AKAP19: variants seen among roughly 807,000 people sequenced by gnomAD.
The protein encoded by AKAP19 is A-kinase anchoring protein 19.
chr2:190,183,174 G>C, the AKAP19 span, among the ~76,000 whole-genome samples: 3 of 152,202 alleles, frequency 2.0e-5, no homozygotes, highest in African/African-American at 7.2e-5. Flanking sequence ...TTGTGACCTT[G>C]AGAAACTTCA....
At chr2:190,039,453 A>C in the AKAP19 span, among the ~76,000 whole-genome samples, 50 of 152,274 alleles carry the variant, frequency 3.3e-4, no homozygotes, top group Admixed American at 6.5e-4. Flanking sequence ...GAAAACTGTA[A>C]ATTTCTGAAG....
the AKAP19 span, among the ~76,000 whole-genome samples, chr2:189,897,441 T>A: frequency 6.6e-6 from 1 of 152,294 alleles, no homozygotes; most frequent in Non-Finnish European, 1.5e-5. Flanking sequence ...TTTAACTACA[T>A]AGTTAAAATA....
the AKAP19 span, among the ~76,000 whole-genome samples, chr2:190,127,685 T>G: frequency 6.6e-6 from 1 of 152,184 alleles, no homozygotes; most frequent in Non-Finnish European, 1.5e-5. Context: ...TTTACTACCA[T>G]TGAAGTTATT....
At chr2:190,038,895 TC>T in the AKAP19 span, among the ~76,000 whole-genome samples, 1 of 37,262 alleles carries the variant, frequency 2.7e-5, no homozygotes, top group Non-Finnish European at 5.7e-5. Context: ...TTTCTTTCTT[TC>T]TTTCTTTCTT....
chr2:190,003,681 C>T, the AKAP19 span, among the ~76,000 whole-genome samples: 5 of 151,998 alleles, frequency 3.3e-5, no homozygotes, highest in African/African-American at 4.8e-5. Flanking sequence ...CTGTCCAACA[C>T]GGAGAAACCC....
chr2:190,024,769 A>G, the AKAP19 span, among the ~76,000 whole-genome samples: 1 of 152,094 alleles, frequency 6.6e-6, no homozygotes, highest in Non-Finnish European at 1.5e-5. Context: ...TATACACCTA[A>G]TATTTCAGTC....
At chr2:190,050,711 G>A in the AKAP19 span, among the ~76,000 whole-genome samples, 1 of 152,272 alleles carries the variant, frequency 6.6e-6, no homozygotes, top group East Asian at 1.9e-4. Flanking sequence ...ATAGTAAATA[G>A]AGCCAGTCAG....
At chr2:190,087,943 T>G in the AKAP19 span, among the ~76,000 whole-genome samples, 1 of 152,150 alleles carries the variant, frequency 6.6e-6, no homozygotes. Flanking sequence ...CTCAGATGGC[T>G]TAAGTTTTCC....
chr2:190,069,136 ATGTGTGTGTGTGTGTG>A, the AKAP19 span, among the ~76,000 whole-genome samples: 1 of 127,674 alleles, frequency 7.8e-6, no homozygotes, highest in Admixed American at 8.0e-5. Context: ...GTGCATGCAT[ATGTGTGTGTGTGTGTG>A]TGTGTGTGTG....
the AKAP19 span, among the ~76,000 whole-genome samples, chr2:190,110,578 T>A: frequency 6.6e-6 from 1 of 152,220 alleles, no homozygotes; most frequent in Non-Finnish European, 1.5e-5. Context: ...AATAATAATA[T>A]TATTGAATAA....
the AKAP19 span, among the ~76,000 whole-genome samples, chr2:190,076,129 T>TA: frequency 6.6e-6 from 1 of 152,230 alleles, no homozygotes; most frequent in Non-Finnish European, 1.5e-5. Flanking sequence ...ATAAAAAGCC[T>TA]TAAGTATTTA....
chr2:190,183,552 G>A, the AKAP19 span, among the ~76,000 whole-genome samples: 16,351 of 151,948 alleles, frequency 0.11, 1,069 homozygotes, highest in East Asian at 0.24. Context: ...TTTAAGTTTC[G>A]AATTTTGCCA....
chr2:189,917,180 A>G, the AKAP19 span: 2 of 641,228 alleles, frequency 3.1e-6, no homozygotes, highest in East Asian at 6.1e-5. Context: ...AAAATACATC[A>G]ATGATGCAAG....
chr2:189,985,931 T>C, the AKAP19 span, among the ~76,000 whole-genome samples: 1 of 152,174 alleles, frequency 6.6e-6, no homozygotes, highest in Non-Finnish European at 1.5e-5. Context: ...AATTATCTAC[T>C]TGGGTGTCCT....
At chr2:190,016,658 G>A in the AKAP19 span, among the ~76,000 whole-genome samples, 1 of 152,132 alleles carries the variant, frequency 6.6e-6, no homozygotes, top group Non-Finnish European at 1.5e-5. Context: ...AAAGATGATA[G>A]GATTTCAATT....
the AKAP19 span, among the ~76,000 whole-genome samples, chr2:190,119,274 C>T: frequency 6.6e-6 from 1 of 152,128 alleles, no homozygotes; most frequent in South Asian, 2.1e-4. Flanking sequence ...AGAGATAGAG[C>T]GAGGCGGGCT....
At chr2:189,909,456 G>T in the AKAP19 span, among the ~76,000 whole-genome samples, 2 of 151,746 alleles carry the variant, frequency 1.3e-5, no homozygotes, top group African/African-American at 4.8e-5. Flanking sequence ...ATCTTCCTTG[G>T]TGATTTGTTA....
the AKAP19 span, among the ~76,000 whole-genome samples, chr2:189,978,886 A>G: frequency 6.6e-6 from 1 of 152,114 alleles, no homozygotes; most frequent in Non-Finnish European, 1.5e-5. Flanking sequence ...TTACCTGGTA[A>G]TTACCAGGTA....
At chr2:190,193,652 T>C in the AKAP19 span, among the ~76,000 whole-genome samples, 1 of 152,174 alleles carries the variant, frequency 6.6e-6, no homozygotes, top group Non-Finnish European at 1.5e-5. Flanking sequence ...ATTATTCCTG[T>C]TTGCCTTTTA....
Sources: allele counts gnomAD v4.1 joint callset (sites outside exome capture counted in the v4.1 genomes callset), GRCh38; gene constraint gnomAD v4.1.1; transcripts MANE v1.5; gene names NCBI Gene and HGNC (gene_info 2026-07-23, HGNC 2026-07-21).